Variants in EEF2K observed in about 807,000 individuals in gnomAD.
The protein encoded by EEF2K is eukaryotic elongation factor 2 kinase.
Under a neutral mutation model 93.8 loss-of-function variants are expected in EEF2K, and 70 were observed. That is an observed-to-expected ratio of 0.75 (90% CI 0.62 to 0.91). The LOEUF is 0.91. Among genes scored for constraint, EEF2K ranks in the 40% least tolerant of loss-of-function variants. The pLI, the probability that EEF2K is intolerant of heterozygous loss-of-function variation, is 0.00. For missense variants in EEF2K, 935 were observed against 972.9 expected, an observed-to-expected ratio of 0.96 and a Z score of 0.52; for synonymous variants, 376 against 380.8, an observed-to-expected ratio of 0.99 and a Z score of 0.15.
intron 6 of EEF2K, among the ~76,000 whole-genome samples, chr16:22,251,584 C>G (rs2047352913): frequency 6.6e-6 from 1 of 151,668 alleles, no homozygotes; most frequent in South Asian, 2.1e-4. Context: ...GCCACCACAT[C>G]TGGCTAATTT....
rs1172247244 is a variant in EEF2K, at chr16:22,225,767, T to C, written c.38T>C (p.Val13Ala). 9 of 1,614,064 alleles carry C rather than the reference T, an allele frequency of 5.6e-6. No individual in the cohort carries two copies. Among genetic ancestry groups the C allele is most frequent in the Admixed American group, 1.7e-5 (1 of 59,998 alleles). ...DEDLIFRLEG[V>A]DGGQSPRAGH... The stretch of plus-strand genomic sequence containing the variant: ...GATCTCATCTTCCGCCTGGAAGGCG[T>C]TGATGGCGGCCAGTCCCCCCGAGCT... Residue 13 changes from valine (V) to alanine (A), a missense_variant, in exon 2 of 18, where the codon GTT (valine) becomes GCT (alanine). Physicochemically the swap from Val to Ala is moderately conservative, Grantham distance 64. Coordinates refer to ENST00000263026, the MANE Select transcript of EEF2K (RefSeq NM_013302.5).
chr16:22,259,058 G>A (rs1174190943), intron 10 of EEF2K, among the ~76,000 whole-genome samples: 1 of 152,114 alleles, frequency 6.6e-6, no homozygotes, highest in Non-Finnish European at 1.5e-5. Flanking sequence ...AATAAAAATA[G>A]TACTATGTTA....
In EEF2K at chr16:22,217,228, TAGAG is replaced by T. The variant is rs146522060; in HGVS notation, c.-76-8408_-76-8405del. ...TTAGTGATATATATAGATAGATAGA[TAGAG>T]AGAGAGAGAGAGAGAGATGCGAAGG... is the stretch of plus-strand genomic sequence containing the variant. On this transcript the variant is annotated intron_variant, in intron 1 of 17. Transcript: ENST00000263026. Among the ~76,000 whole-genome samples the T allele has an allele frequency of 8.5e-4, 116 of 136,090 alleles. 1 individual carries two copies. The highest frequency in any genetic ancestry group is 2.2e-3 in the East Asian group (10 of 4,592). 89.3% of individuals were successfully genotyped at this position (136,090 alleles called of 152,430 possible).
intron 4 of EEF2K, among the ~76,000 whole-genome samples, chr16:22,249,402 A>G (rs2047327350): frequency 6.6e-6 from 1 of 152,144 alleles, no homozygotes. Context: ...TACAATATAC[A>G]CAGAAAAGTG....
At chr16:22,222,128 C>T (rs1567261609) in intron 1 of EEF2K, among the ~76,000 whole-genome samples, 3 of 152,126 alleles carry the variant, frequency 2.0e-5, no homozygotes, top group Admixed American at 6.6e-5. Context: ...CTGCTTATTT[C>T]GAGTGCTGTA....
chr16:22,209,630 A>T (rs955006389), intron 1 of EEF2K, among the ~76,000 whole-genome samples: 3 of 152,182 alleles, frequency 2.0e-5, no homozygotes, highest in African/African-American at 7.2e-5. Flanking sequence ...GGTTCTGCTG[A>T]CCTGAAAGCT....
chr16:22,239,031 A>G (rs2047195854), intron 2 of EEF2K, among the ~76,000 whole-genome samples: 1 of 152,032 alleles, frequency 6.6e-6, no homozygotes, highest in African/African-American at 2.4e-5. Flanking sequence ...GCCAGTCAGT[A>G]AGCTGGAACC....
chr16:22,272,692 G>A (rs2047595569), intron 15 of EEF2K, among the ~76,000 whole-genome samples: 1 of 149,552 alleles, frequency 6.7e-6, no homozygotes, highest in South Asian at 2.1e-4. Flanking sequence ...TTGAGACGGT[G>A]TCTCTGTCAC....
chr16:22,225,596 G>A, intron 1 of EEF2K, 58 bp from the exon 2 acceptor site: 1 of 1,385,238 alleles, frequency 7.2e-7, no homozygotes, highest in South Asian at 1.4e-5. Flanking sequence ...GTGAGGGTCG[G>A]GCGAATTCGC....
At chr16:22,210,930 G>C (rs1314313245) in intron 1 of EEF2K, among the ~76,000 whole-genome samples, 4 of 152,176 alleles carry the variant, frequency 2.6e-5, no homozygotes, top group African/African-American at 9.7e-5. Context: ...TCTGTTCTGG[G>C]CAGGATCACA....
intron 1 of EEF2K, among the ~76,000 whole-genome samples, chr16:22,217,142 CAG>C (rs2046964748): frequency 9.1e-6 from 1 of 109,650 alleles, no homozygotes; most frequent in Non-Finnish European, 1.7e-5. Context: ...GCCTGGGTGA[CAG>C]AGCAAGACCC....
At position 22,275,598 on chromosome 16, in the gene EEF2K, C is replaced by G. The variant is rs2047626727; in HGVS notation, c.1889+1848C>G. Among the ~76,000 whole-genome samples the G allele has an allele frequency of 3.3e-5, 5 of 152,142 alleles. No individual in the cohort carries two copies. In the South Asian group the frequency reaches 1.0e-3, roughly 32 times the overall value. ...CCTCAGGCAGTCTACCTGCCTCTGCCTCCCAAAGTGCTGGAATTACAGACC... is the reference window on the plus strand; with the variant it reads ...CCTCAGGCAGTCTACCTGCCTCTGCGTCCCAAAGTGCTGGAATTACAGACC... On this transcript the variant is annotated intron_variant, in intron 16 of 17. Coordinates refer to ENST00000263026, the MANE Select transcript of EEF2K (RefSeq NM_013302.5).
Position 22,266,690 on chromosome 16 carries a change from C to T in EEF2K, c.1578C>T (p.Val526=), listed in dbSNP as rs1199955750. ...KKIGKSILGK[V]HLAMVRYHEG... ...CGACACCGTAGTCTGTGTGGCAGGTCCATCTGGCCATGGTGCGCTACCACG... is the reference window on the plus strand; with the variant it reads ...CGACACCGTAGTCTGTGTGGCAGGTTCATCTGGCCATGGTGCGCTACCACG... Residue 526 remains valine, a splice_region_variant and synonymous_variant, in exon 15 of 18, where the codon GTC becomes GTT. Transcript: ENST00000263026. 6.2e-6 allele frequency: 10 copies of T among 1,606,188 alleles called. No homozygotes were observed. Among genetic ancestry groups the T allele is most frequent in the Non-Finnish European group, 8.5e-6 (10 of 1,175,688 alleles).
At chr16:22,262,995 G>A (rs1223505159) in intron 11 of EEF2K, 115 bp from the exon 12 acceptor site, 7 of 887,296 alleles carry the variant, frequency 7.9e-6, no homozygotes, top group Non-Finnish European at 1.2e-5. Context: ...CAGGAGCAGG[G>A]TGTTAGGTAA....
chr16:22,232,144 C>T (rs954620204), intron 2 of EEF2K, among the ~76,000 whole-genome samples: 6 of 152,026 alleles, frequency 3.9e-5, no homozygotes, highest in African/African-American at 1.4e-4. Flanking sequence ...TTTTTCACAC[C>T]TCTGCCTTAT....
chr16:22,226,153 A>G (rs758167568), intron 2 of EEF2K, among the ~76,000 whole-genome samples, 178 bp downstream of exon 2: 6 of 152,038 alleles, frequency 3.9e-5, no homozygotes, highest in Non-Finnish European at 5.9e-5. Flanking sequence ...AATAAATTTC[A>G]TTACCTTGGA....
intron 1 of EEF2K, among the ~76,000 whole-genome samples, chr16:22,209,241 A>G (rs1368422534): frequency 1.3e-5 from 2 of 152,194 alleles, no homozygotes; most frequent in Non-Finnish European, 2.9e-5. Flanking sequence ...TGTGTTGGCC[A>G]GGCTGGTCTC....
intron 6 of EEF2K, among the ~76,000 whole-genome samples, chr16:22,253,476 T>A (rs938080674): frequency 6.6e-6 from 1 of 152,044 alleles, no homozygotes; most frequent in Non-Finnish European, 1.5e-5. Context: ...ACAAGCTTGT[T>A]CCTGCCCCAA....
intron 12 of EEF2K, 114 bp downstream of exon 12, chr16:22,263,301 C>A (rs775604623): frequency 1.2e-4 from 110 of 914,486 alleles, no homozygotes; most frequent in Non-Finnish European, 1.6e-4. Context: ...GAGAAGATAA[C>A]AAGTAAATTA....
Sources: gnomAD v4.1 joint callset for allele counts (sites outside exome capture counted in the v4.1 genomes callset) on GRCh38, gnomAD v4.1.1 for gene constraint, MANE v1.5 for transcripts, NCBI Gene and HGNC (gene_info 2026-07-23, HGNC 2026-07-21) for gene names.